OSBPL3: variants seen among roughly 807,000 people sequenced by gnomAD.
OSBPL3 encodes the protein oxysterol binding protein like 3, also known as oxysterol-binding protein-related protein 3.
Under a neutral mutation model 120.1 loss-of-function variants are expected in OSBPL3, and 65 were observed. The ratio of observed to expected loss-of-function variants is 0.54; its 90% confidence interval spans 0.44 to 0.67. The LOEUF is 0.67. Ranked by LOEUF, OSBPL3 falls within the 30% of genes least tolerant of loss-of-function variation. The pLI, the probability that OSBPL3 is intolerant of heterozygous loss-of-function variation, is 0.00. For synonymous variants in OSBPL3, 416 were observed against 402.6 expected (o/e 1.03, Z -0.40); for missense variants, 1,004 against 1,082.1 (o/e 0.93, Z 1.01).
chr7:24,867,235 T>G lies in OSBPL3; in HGVS notation c.382-998A>C, dbSNP rs758532379. 6.6e-6 allele frequency among the ~76,000 whole-genome samples: 1 copy of G among 152,278 alleles called. No individual in the cohort carries two copies. The highest frequency in any genetic ancestry group is 1.5e-5 in the Non-Finnish European group (1 of 68,054). ...GCTTCTCTATCCCTACTGAAAATATTAGCACCATTTTTCTTTTTAAACTCT... is the reference window on the plus strand; with the variant it reads ...GCTTCTCTATCCCTACTGAAAATATGAGCACCATTTTTCTTTTTAAACTCT... On this transcript the variant is annotated intron_variant, in intron 5 of 22. Coordinates refer to ENST00000313367, the MANE Select transcript of OSBPL3 (RefSeq NM_015550.4). This position sits in a 1 kb window ranked among gnomAD's most constrained non-coding sequence, Gnocchi z 4.5.
At position 24,800,030 on chromosome 7, in the gene OSBPL3, C is replaced by T. The variant is rs531358882; in HGVS notation, c.*153G>A. 1.6e-5 allele frequency: 7 copies of T among 442,524 alleles called. No individual in the cohort carries two copies. The highest frequency in any genetic ancestry group is 4.0e-5 in the African/African-American group (2 of 50,162). The allele number at this position is 442,524 out of a possible 1,614,324, so 27.4% of individuals were successfully genotyped here. On this transcript the variant is annotated 3_prime_UTR_variant, in exon 23 of 23. Coordinates refer to ENST00000313367, the MANE Select transcript of OSBPL3 (RefSeq NM_015550.4). The stretch of plus-strand genomic sequence containing the variant: ...ACATTTGAAATTGTAAAGAAACGCA[C>T]TGAGGAAAATATAGACTTAAAGAGT...
chr7:24,912,091 A>T lies in OSBPL3; in HGVS notation c.-149-19470T>A, dbSNP rs1475654758. Among the ~76,000 whole-genome samples the T allele has an allele frequency of 6.6e-6, 1 of 152,214 alleles. No homozygotes were observed. Among genetic ancestry groups the T allele is most frequent in the Non-Finnish European group, 1.5e-5 (1 of 68,034 alleles). The stretch of plus-strand genomic sequence containing the variant: ...TAGGTAGTAGGTTATTTGTTTATCA[A>T]ATTGATAACCTGTGTTCCCTCCCCT... On this transcript the variant is annotated intron_variant, in intron 1 of 22. Transcript: ENST00000313367. This position sits in a 1 kb window ranked among gnomAD's most constrained non-coding sequence, Gnocchi z 4.5.
Position 24,854,482 on chromosome 7 carries a change from C to T in OSBPL3, c.1028-1848G>A, listed in dbSNP as rs1346028048. Among the ~76,000 whole-genome samples, 1 of 143,412 alleles carries T rather than the reference C, an allele frequency of 7.0e-6. No individual in the cohort carries two copies. Among genetic ancestry groups the T allele is most frequent in the Non-Finnish European group, 1.5e-5 (1 of 66,492 alleles). 94.1% of individuals were successfully genotyped at this position (143,412 alleles called of 152,430 possible). A position where few individuals can be genotyped will look rare whatever the true frequency, so the allele number is the denominator to read the frequency against. ...CTGAAACATCTTAACAAAGTCACAA[C>T]AATTTGTACACACACACACGCACAC... On this transcript the variant is annotated intron_variant, in intron 10 of 22. Transcript: ENST00000313367. The surrounding 1 kb of genome is among the most constrained non-coding windows in gnomAD (Gnocchi z 4.1).
At position 24,916,921 on chromosome 7, in the gene OSBPL3, C is replaced by CCCCG. The variant is rs1554404724; in HGVS notation, c.-149-24301_-149-24300insCGGG. 6.7e-6 allele frequency among the ~76,000 whole-genome samples: 1 copy of CCCCG among 149,468 alleles called. No homozygotes were observed. The highest frequency in any genetic ancestry group is 1.5e-5 in the Non-Finnish European group (1 of 67,784). ...CACTAAGACGTCTTCCATTTCCACC[C>CCCCG]CCCCCAACCTTTTTAGAAAATTAAA... On this transcript the variant is annotated intron_variant, in intron 1 of 22. Transcript: ENST00000313367. This position sits in a 1 kb window ranked among gnomAD's most constrained non-coding sequence, Gnocchi z 4.9.
chr7:24,827,432 C>T lies in OSBPL3; in HGVS notation c.1884+3336G>A, dbSNP rs540422408. Reference sequence around the variant, plus strand: ...TGGCCAGGGAAAGGGAGGCCCTGGCCCTACACCCTTCCCACTTCTAGGGCA... The same window carrying T: ...TGGCCAGGGAAAGGGAGGCCCTGGCTCTACACCCTTCCCACTTCTAGGGCA... On this transcript the variant is annotated intron_variant, in intron 16 of 22. Transcript: ENST00000313367. The surrounding 1 kb of genome is among the most constrained non-coding windows in gnomAD (Gnocchi z 5.1). Among the ~76,000 whole-genome samples, 41 of 152,298 alleles carry T rather than the reference C, an allele frequency of 2.7e-4. No homozygotes were observed. The highest frequency in any genetic ancestry group is 9.6e-4 in the African/African-American group (40 of 41,564).
chr7:24,834,728 G>A lies in OSBPL3; in HGVS notation c.1504C>T (p.Leu502Phe), dbSNP rs760090802. The A allele has an allele frequency of 6.2e-7, 1 of 1,607,202 alleles. No individual in the cohort carries two copies. Among genetic ancestry groups the A allele is most frequent in the South Asian group, 1.1e-5 (1 of 90,160 alleles). The change falls in exon 15 of 23, where the codon CTT (leucine) becomes TTT (phenylalanine). Residue 502 changes from leucine to phenylalanine, a missense_variant. By Grantham distance (22) the Leu-to-Phe change is conservative. Coordinates refer to ENST00000313367, the MANE Select transcript of OSBPL3 (RefSeq NM_015550.4). The surrounding 1 kb of genome is among the most constrained non-coding windows in gnomAD (Gnocchi z 5.2). The stretch of plus-strand genomic sequence containing the variant: ...GACTTCGCTTCCCGACCACTATCAA[G>A]GACAGGCCCTGAAAGGGAAAGAGGC... ...DNERQTLGPV[L>F]DSGREAKSRR...
In OSBPL3 at chr7:24,804,809, C is replaced by T. The variant is rs1003319279; in HGVS notation, c.2445-372G>A. Among the ~76,000 whole-genome samples, 2 of 152,166 alleles carry T rather than the reference C, an allele frequency of 1.3e-5. No individual in the cohort carries two copies. The highest frequency in any genetic ancestry group is 6.5e-5 in the Admixed American group (1 of 15,284). The stretch of plus-strand genomic sequence containing the variant: ...CAAATATTAACACATATTCTTATCC[C>T]TCCCTCCGTTTAAAAAATATAAATG... On this transcript the variant is annotated intron_variant, in intron 21 of 22. Transcript: ENST00000313367. This position sits in a 1 kb window ranked among gnomAD's most constrained non-coding sequence, Gnocchi z 5.4.
At chr7:24,839,950 C>T (rs1797495939) in intron 14 of OSBPL3, among the ~76,000 whole-genome samples, 1 of 121,532 alleles carries the variant, frequency 8.2e-6, no homozygotes, top group Non-Finnish European at 1.6e-5. Flanking sequence ...AAGACTGCAC[C>T]ATTGTACTCC....
At position 24,912,780 on chromosome 7, in the gene OSBPL3, T is replaced by C. The variant is rs1166521753; in HGVS notation, c.-149-20159A>G. Among the ~76,000 whole-genome samples, 4 of 152,230 alleles carry C rather than the reference T, an allele frequency of 2.6e-5. No individual in the cohort carries two copies. The East Asian group carries it at 7.7e-4, about 29-fold the overall frequency. On this transcript the variant is annotated intron_variant, in intron 1 of 22. Transcript: ENST00000313367. This position sits in a 1 kb window ranked among gnomAD's most constrained non-coding sequence, Gnocchi z 4.5. ...ACATGCTCCTCTAACAAAGTGACCGTGACACTTCTTCATCAATAGATGGCT... is the reference window on the plus strand; with the variant it reads ...ACATGCTCCTCTAACAAAGTGACCGCGACACTTCTTCATCAATAGATGGCT...
In OSBPL3 at chr7:24,834,339, C is replaced by G; in HGVS notation, c.1746+147G>C. The stretch of plus-strand genomic sequence containing the variant: ...CTGGAAACAGCCAGGCGGAGGAAGC[C>G]AGACAGCTCTGAGTAATGAACCTGT... On this transcript the variant is annotated intron_variant, in intron 15 of 22. Transcript: ENST00000313367. The surrounding 1 kb of genome is among the most constrained non-coding windows in gnomAD (Gnocchi z 5.2). 2 of 1,480,092 alleles carry G rather than the reference C, an allele frequency of 1.4e-6. No individual in the cohort carries two copies. The highest frequency in any genetic ancestry group is 1.4e-5 in the African/African-American group (1 of 70,606). 91.7% of individuals were successfully genotyped at this position (1,480,092 alleles called of 1,614,324 possible). A position where few individuals can be genotyped will look rare whatever the true frequency, so the allele number is the denominator to read the frequency against.
At chr7:24,914,232 A>C (rs1167757338) in intron 1 of OSBPL3, among the ~76,000 whole-genome samples, 1 of 151,826 alleles carries the variant, frequency 6.6e-6, no homozygotes, top group Non-Finnish European at 1.5e-5. Flanking sequence ...ATGGAAAAGA[A>C]AAGATCAGCA....
chr7:24,865,285 T>A, intron 7 of OSBPL3, 57 bp downstream of exon 7: 1 of 1,579,716 alleles, frequency 6.3e-7, no homozygotes, highest in African/African-American at 1.4e-5. Context: ...AGTGTAAACA[T>A]CAAACCAGTA....
At chr7:24,889,242 A>G (rs11978841) in intron 2 of OSBPL3, among the ~76,000 whole-genome samples, 1 of 152,248 alleles carries the variant, frequency 6.6e-6, no homozygotes, top group Non-Finnish European at 1.5e-5. Flanking sequence ...AGTGAAATAA[A>G]CCAAGCACAG....
intron 1 of OSBPL3, among the ~76,000 whole-genome samples, chr7:24,977,157 A>G (rs1469931490): frequency 6.6e-6 from 1 of 152,262 alleles, no homozygotes; most frequent in African/African-American, 2.4e-5. Flanking sequence ...TTCATTTACC[A>G]CAATGGGTAA....
chr7:24,806,428 G>A lies in OSBPL3; in HGVS notation c.2444+348C>T, dbSNP rs1469300598. Reference sequence around the variant, plus strand: ...CTAGAATCAGCAGTTAGATCTCAGTGCACCAAAATCATTTAAATTTGAGGG... The same window carrying A: ...CTAGAATCAGCAGTTAGATCTCAGTACACCAAAATCATTTAAATTTGAGGG... On this transcript the variant is annotated intron_variant, in intron 21 of 22. Coordinates refer to ENST00000313367, the MANE Select transcript of OSBPL3 (RefSeq NM_015550.4). The surrounding 1 kb of genome is among the most constrained non-coding windows in gnomAD (Gnocchi z 5.2). Among the ~76,000 whole-genome samples the A allele has an allele frequency of 1.3e-5, 2 of 152,096 alleles. No individual in the cohort carries two copies. Among genetic ancestry groups the A allele is most frequent in the African/African-American group, 2.4e-5 (1 of 41,360 alleles).
At chr7:24,928,887 T>C (rs1268586040) in intron 1 of OSBPL3, among the ~76,000 whole-genome samples, 1 of 152,228 alleles carries the variant, frequency 6.6e-6, no homozygotes, top group Non-Finnish European at 1.5e-5. Context: ...GTTGTATAAA[T>C]GCACCACAAT....
At chr7:24,837,992 T>C (rs1797225494) in intron 14 of OSBPL3, among the ~76,000 whole-genome samples, 1 of 152,218 alleles carries the variant, frequency 6.6e-6, no homozygotes. Flanking sequence ...AATAACAGTG[T>C]AGCAAGATCT....
intron 1 of OSBPL3, among the ~76,000 whole-genome samples, chr7:24,904,423 C>G (rs1807548645): frequency 6.6e-6 from 1 of 152,130 alleles, no homozygotes; most frequent in African/African-American, 2.4e-5. Context: ...AACAATACAA[C>G]AATGAAAATA....
In OSBPL3 at chr7:24,799,998, C is replaced by A; in HGVS notation, c.*185G>T. 2.8e-6 allele frequency: 1 copy of A among 359,450 alleles called. No individual in the cohort carries two copies. The highest frequency in any genetic ancestry group is 5.0e-6 in the Non-Finnish European group (1 of 198,226). 22.3% of individuals were successfully genotyped at this position (359,450 alleles called of 1,614,324 possible). A position where few individuals can be genotyped will look rare whatever the true frequency, so the allele number is the denominator to read the frequency against. On this transcript the variant is annotated 3_prime_UTR_variant, in exon 23 of 23. Coordinates refer to ENST00000313367, the MANE Select transcript of OSBPL3 (RefSeq NM_015550.4). This position sits in a 1 kb window ranked among gnomAD's most constrained non-coding sequence, Gnocchi z 5.3. ...GGTGTTCTACATTCATATAAACAAT[C>A]AGGGTAACATTTGAAATTGTAAAGA... is the stretch of plus-strand genomic sequence containing the variant.
Sources: gnomAD v4.1 joint callset for allele counts (sites outside exome capture counted in the v4.1 genomes callset) on GRCh38, gnomAD v4.1.1 for gene constraint, Gnocchi (gnomAD v3.1) non-coding constraint, MANE v1.5 for transcripts, NCBI Gene and HGNC (gene_info 2026-07-23, HGNC 2026-07-21) for gene names.